The following TIAM2 variants were observed in gnomAD, a reference collection of about 807,000 sequenced individuals.
The protein encoded by TIAM2 is rho guanine nucleotide exchange factor TIAM2.
Under a neutral mutation model 152.9 loss-of-function variants are expected in TIAM2, and 80 were observed. That is an observed-to-expected ratio of 0.52 (90% confidence interval 0.44 to 0.63). The LOEUF is 0.63. Among genes scored for constraint, TIAM2 ranks in the 30% least tolerant of loss-of-function variants. The pLI is 0.00. For missense variants in TIAM2, 1,965 were observed against 2,120.1 expected, an observed-to-expected ratio of 0.93 and a Z score of 1.44; for synonymous variants, 804 against 838.0, an observed-to-expected ratio of 0.96 and a Z score of 0.70.
intron 7 of TIAM2, among the ~76,000 whole-genome samples, chr6:155,158,409 C>G (rs1056137318): frequency 6.6e-6 from 1 of 152,080 alleles, no homozygotes; most frequent in East Asian, 1.9e-4. Context: ...GAGTGTTCCC[C>G]TGTAATTTTG....
At chr6:155,151,915 G>T (rs1326986491) in intron 7 of TIAM2, among the ~76,000 whole-genome samples, 1 of 147,474 alleles carries the variant, frequency 6.8e-6, no homozygotes, top group Non-Finnish European at 1.5e-5. Flanking sequence ...TGTGATCTTG[G>T]CTCATCTTAA....
chr6:155,038,790 G>C (rs1481201679), intron 1 of TIAM2, among the ~76,000 whole-genome samples: 1 of 151,726 alleles, frequency 6.6e-6, no homozygotes, highest in African/African-American at 2.4e-5. Context: ...ATATTAGCCA[G>C]GTATTGTGGT....
chr6:155,104,356 C>T (rs1053127722), intron 2 of TIAM2, among the ~76,000 whole-genome samples: 9 of 152,128 alleles, frequency 5.9e-5, no homozygotes, highest in Admixed American at 6.6e-5. Context: ...CTCCTCCCTG[C>T]GCTTCTCCCC....
rs1251958824 is a variant in TIAM2, at chr6:155,137,534, C to G, written c.1552C>G (p.Leu518Val). 6.2e-7 allele frequency: 1 copy of G among 1,613,748 alleles called. No homozygotes were observed. Among genetic ancestry groups the G allele is most frequent in the African/African-American group, 1.3e-5 (1 of 74,936 alleles). ...RKAGWLFFKP[L>V]VTVQKERKLE... ...GGCCGGGTGGCTCTTCTTCAAGCCC[C>G]TGGTCACTGTGCAGAAGGAAAGGAA... is the stretch of plus-strand genomic sequence containing the variant. Residue 518 changes from leucine to valine, a missense_variant, in exon 5 of 27, where the codon CTG (leucine) becomes GTG (valine). Around this residue, in one of 3 missense-constraint regions of TIAM2, gnomAD observed 1,025 missense variants for 1,119.4 expected, o/e 0.92. Transcript: ENST00000682666.
At chr6:155,164,765 ACGT>A (rs755785944) in intron 8 of TIAM2, among the ~76,000 whole-genome samples, 165 bp downstream of exon 8, 4 of 152,202 alleles carry the variant, frequency 2.6e-5, no homozygotes, top group Non-Finnish European at 4.4e-5. Context: ...AGGAGACCAG[ACGT>A]CGTGCTGTAG....
chr6:155,240,505 T>C (rs1192990050), intron 15 of TIAM2, 25 bp from the exon 16 acceptor site: 1 of 1,585,662 alleles, frequency 6.3e-7, no homozygotes, highest in Admixed American at 1.7e-5. Context: ...CCGTGCATTA[T>C]TTTCCACCTC....
chr6:155,118,106 A>G (rs1193509642), intron 2 of TIAM2, among the ~76,000 whole-genome samples: 1 of 152,094 alleles, frequency 6.6e-6, no homozygotes, highest in Non-Finnish European at 1.5e-5. Context: ...TGTTTCTGGG[A>G]ACAGTGGGTA....
Position 155,144,473 on chromosome 6 carries a change from C to T in TIAM2, c.1631-133C>T, listed in dbSNP as rs547441092. The T allele has an allele frequency of 2.4e-4, 205 of 851,752 alleles. No homozygotes were observed. In the African/African-American group the frequency reaches 2.7e-3, roughly 11 times the overall value. The allele number at this position is 851,752 out of a possible 1,614,324, so 52.8% of individuals were successfully genotyped here. A position where few individuals can be genotyped will look rare whatever the true frequency, so the allele number is the denominator to read the frequency against. On this transcript the variant is annotated intron_variant, in intron 5 of 26. Transcript: ENST00000682666. Reference sequence around the variant, plus strand: ...TAGGTGTACTTCAGATGCCACTTTTCCTTGTTTACCATGTTTCTGTCACAT... The same window carrying T: ...TAGGTGTACTTCAGATGCCACTTTTTCTTGTTTACCATGTTTCTGTCACAT...
intron 1 of TIAM2, among the ~76,000 whole-genome samples, chr6:155,039,120 C>T (rs62434485): frequency 6.6e-6 from 1 of 151,738 alleles, no homozygotes; most frequent in African/African-American, 2.4e-5. Flanking sequence ...GCCACCGCAC[C>T]TGGCTAACTT....
chr6:155,039,460 T>C (rs1776980349), intron 1 of TIAM2, among the ~76,000 whole-genome samples: 1 of 151,786 alleles, frequency 6.6e-6, no homozygotes, highest in Non-Finnish European at 1.5e-5. Flanking sequence ...ATGGCCATGG[T>C]GGGGAGGAGG....
chr6:155,230,379 G>C (rs555001448), intron 15 of TIAM2, among the ~76,000 whole-genome samples: 4 of 152,348 alleles, frequency 2.6e-5, no homozygotes, highest in South Asian at 2.1e-4. Context: ...GCTGTGCACA[G>C]TTTAGCTGAC....
At chr6:155,045,159 C>A (rs1051223275) in intron 1 of TIAM2, among the ~76,000 whole-genome samples, 1 of 151,622 alleles carries the variant, frequency 6.6e-6, no homozygotes, top group African/African-American at 2.4e-5. Context: ...CTCTGCCTTC[C>A]GTGTTCACAC....
At chr6:155,142,215 A>G (rs1381137296) in intron 5 of TIAM2, among the ~76,000 whole-genome samples, 1 of 152,086 alleles carries the variant, frequency 6.6e-6, no homozygotes, top group African/African-American at 2.4e-5. Flanking sequence ...GTGAAGTTGA[A>G]CTTGATGTCA....
At chr6:155,211,126 A>G in intron 14 of TIAM2, 78 bp from the exon 15 acceptor site, 1 of 1,299,870 alleles carries the variant, frequency 7.7e-7, no homozygotes, top group Non-Finnish European at 1.1e-6. Context: ...TCCTTTCTCC[A>G]TGTGAGCCTT....
At chr6:155,195,797 C>G (rs915019282) in intron 14 of TIAM2, among the ~76,000 whole-genome samples, 54 of 152,152 alleles carry the variant, frequency 3.5e-4, no homozygotes, top group African/African-American at 1.3e-3. Flanking sequence ...ACGTGGCCGT[C>G]AGGGGGCAAA....
At chr6:155,063,643 G>A (rs999639380) in intron 1 of TIAM2, among the ~76,000 whole-genome samples, 8 of 151,966 alleles carry the variant, frequency 5.3e-5, no homozygotes, top group East Asian at 3.9e-4. Context: ...TTAGCTGGGC[G>A]TGGTGGTACA....
chr6:155,034,969 T>A (rs1776895720), intron 1 of TIAM2, among the ~76,000 whole-genome samples: 1 of 152,128 alleles, frequency 6.6e-6, no homozygotes, highest in South Asian at 2.1e-4. Context: ...GGATCCCTAT[T>A]AAAAAACAGA....
At position 155,164,459 on chromosome 6, in the gene TIAM2, G is replaced by A; in HGVS notation, c.2073G>A (p.Leu691=). ...EQNLEKFHMD[L]FRMRCYLASL... ...ATCTTGAGAAATTTCACATGGATCT[G>A]TTCAGGATGCGCTGCTATCTGGCCA... The change falls in exon 8 of 27, where the codon CTG becomes CTA. Residue 691 remains leucine (L), a synonymous_variant. Transcript: ENST00000682666. 1 of 1,613,952 alleles carries A rather than the reference G, an allele frequency of 6.2e-7. No individual in the cohort carries two copies. The highest frequency in any genetic ancestry group is 2.2e-5 in the East Asian group (1 of 44,880).
chr6:155,252,046 C>T, intron 23 of TIAM2, 43 bp downstream of exon 23: 1 of 1,473,524 alleles, frequency 6.8e-7, no homozygotes. Context: ...CTTTTCATAG[C>T]TGTATCTTCC....
Sources: allele counts gnomAD v4.1 joint callset (sites outside exome capture counted in the v4.1 genomes callset), GRCh38; gene constraint gnomAD v4.1.1; regional missense constraint gnomAD v4.1.1; transcripts MANE v1.5; gene names NCBI Gene and HGNC (gene_info 2026-07-23, HGNC 2026-07-21).